SNX10: variants seen among roughly 807,000 people sequenced by gnomAD.
SNX10 encodes sorting nexin 10.
In SNX10, 25 loss-of-function variants were observed where a neutral mutation model predicts 28.5. The ratio of observed to expected loss-of-function variants is 0.88; its 90% CI spans 0.64 to 1.22. The LOEUF is 1.22. SNX10 is among the 50% of genes most tolerant of loss of function. SNX10 has a pLI of 0.00. For missense variants in SNX10, 223 were observed against 242.6 expected (o/e 0.92, Z 0.54); for synonymous variants, 62 against 81.4 (o/e 0.76, Z 1.28).
intron 2 of SNX10, among the ~76,000 whole-genome samples, chr7:26,360,186 G>A (rs1789010256): frequency 6.6e-6 from 1 of 152,144 alleles, no homozygotes; most frequent in Admixed American, 6.5e-5. Context: ...ATTCTCATGT[G>A]GCTGGGATGC....
chr7:26,347,945 T>C (rs1329405657), intron 2 of SNX10, among the ~76,000 whole-genome samples: 1 of 128,674 alleles, frequency 7.8e-6, no homozygotes, highest in Non-Finnish European at 1.6e-5. Context: ...CAATGGATTT[T>C]TGTCTTTTTG....
At chr7:26,351,962 C>A (rs1334850692) in intron 2 of SNX10, among the ~76,000 whole-genome samples, 1 of 152,022 alleles carries the variant, frequency 6.6e-6, no homozygotes, top group South Asian at 2.1e-4. Flanking sequence ...GACCAGCAAT[C>A]TTAATGAAGT....
rs115857522 is a variant in SNX10 at position 26,333,760 on chromosome 7, T to G, written c.-23-12660T>G. 6.5e-3 allele frequency among the ~76,000 whole-genome samples: 992 copies of G among 152,280 alleles called. 11 individuals carry two copies. Among genetic ancestry groups the G allele is most frequent in the African/African-American group, 0.022 (926 of 41,566 alleles). On this transcript the variant is annotated intron_variant, in intron 1 of 6. Coordinates refer to ENST00000338523, the MANE Select transcript of SNX10 (RefSeq NM_013322.3). Reference sequence around the variant, plus strand: ...TGTTGGCAGGAGAGAGGGCAGGGCATTTTCTGCTGTTCTTCAGGAGGTTGT... The same window carrying G: ...TGTTGGCAGGAGAGAGGGCAGGGCAGTTTCTGCTGTTCTTCAGGAGGTTGT...
chr7:26,306,685 G>A (rs1353922758), intron 1 of SNX10, among the ~76,000 whole-genome samples: 1 of 152,178 alleles, frequency 6.6e-6, no homozygotes, highest in Non-Finnish European at 1.5e-5. Context: ...ACAGGCATGA[G>A]CCACCGTGCC....
chr7:26,369,466 TCTGA>T (rs1184657705), intron 5 of SNX10, among the ~76,000 whole-genome samples: 3 of 152,210 alleles, frequency 2.0e-5, no homozygotes, highest in Non-Finnish European at 4.4e-5. Flanking sequence ...GAATGAACTA[TCTGA>T]CTAAAATAAG....
chr7:26,362,696 TG>T (rs1789126953), intron 3 of SNX10, among the ~76,000 whole-genome samples: 2 of 152,368 alleles, frequency 1.3e-5, no homozygotes, highest in South Asian at 4.1e-4. Context: ...TTCTCTTAGT[TG>T]TTAACCCATA....
intron 1 of SNX10, among the ~76,000 whole-genome samples, chr7:26,301,327 T>G (rs34272723): frequency 0.28 from 43,290 of 152,092 alleles, 7,218 homozygotes; most frequent in South Asian, 0.44. Context: ...TGTCCTTGAT[T>G]TTTTCTTTTC....
At position 26,373,610 on chromosome 7, in the gene SNX10, G is replaced by A. The variant is rs1011972232; in HGVS notation, c.*1038G>A. ...ATGTCTTTTTTTTTAGTGTCCCAAA[G>A]ATATCTTAGATAAACTATTTTGAAG... is the stretch of plus-strand genomic sequence containing the variant. On this transcript the variant is annotated 3_prime_UTR_variant, in exon 7 of 7. Transcript: ENST00000338523. This position sits in a 1 kb window ranked among gnomAD's most constrained non-coding sequence, Gnocchi z 4.2. 1.3e-4 allele frequency: 20 copies of A among 151,942 alleles called. No individual in the cohort carries two copies. Among genetic ancestry groups the A allele is most frequent in the African/African-American group, 4.8e-4 (20 of 41,474 alleles). The allele number at this position is 151,942 out of a possible 1,614,324, so 9.4% of individuals were successfully genotyped here. A position where few individuals can be genotyped will look rare whatever the true frequency, so the allele number is the denominator to read the frequency against.
chr7:26,340,456 G>A (rs187479050), intron 1 of SNX10, among the ~76,000 whole-genome samples: 197 of 152,346 alleles, frequency 1.3e-3, no homozygotes, highest in Admixed American at 4.8e-3. Flanking sequence ...AGATTGCCAA[G>A]TGGTACTTTA....
intron 1 of SNX10, among the ~76,000 whole-genome samples, chr7:26,303,349 C>T (rs374149054): frequency 1.3e-5 from 2 of 152,308 alleles, no homozygotes; most frequent in African/African-American, 4.8e-5. Context: ...ACTCCTCTCC[C>T]AAGGCCCAAG....
intron 1 of SNX10, among the ~76,000 whole-genome samples, chr7:26,321,075 G>A (rs1313451882): frequency 1.3e-5 from 2 of 152,198 alleles, no homozygotes; most frequent in Non-Finnish European, 2.9e-5. Flanking sequence ...CAAAGGTTAT[G>A]TGAACTCTGG....
intron 1 of SNX10, among the ~76,000 whole-genome samples, chr7:26,310,607 G>A (rs1315492733): frequency 6.6e-6 from 1 of 152,046 alleles, no homozygotes; most frequent in African/African-American, 2.4e-5. Flanking sequence ...GTGAGTTGGG[G>A]GTGGGGAGGT....
intron 3 of SNX10, among the ~76,000 whole-genome samples, chr7:26,362,420 A>G (rs955075663): frequency 6.6e-6 from 1 of 152,246 alleles, no homozygotes; most frequent in African/African-American, 2.4e-5. Flanking sequence ...TGCTCTATAA[A>G]TAGCCTGATG....
At chr7:26,292,150 T>C (rs2127991027) in intron 1 of SNX10, 64 bp downstream of exon 1, 1 of 152,536 alleles carries the variant, frequency 6.6e-6, no homozygotes, top group East Asian at 1.9e-4. Flanking sequence ...ACGGCGGCCC[T>C]TCTTTCCAGA....
At chr7:26,306,405 G>C (rs1047839055) in intron 1 of SNX10, among the ~76,000 whole-genome samples, 2 of 142,314 alleles carry the variant, frequency 1.4e-5, no homozygotes, top group African/African-American at 5.1e-5. Flanking sequence ...AAAGATGCTT[G>C]AAGAGAATTT....
chr7:26,306,200 G>A (rs569110048), intron 1 of SNX10, among the ~76,000 whole-genome samples: 1 of 151,850 alleles, frequency 6.6e-6, no homozygotes, highest in East Asian at 1.9e-4. Flanking sequence ...CACTGCACCT[G>A]GCCACATTTC....
At chr7:26,302,731 C>T (rs1229090903) in intron 1 of SNX10, among the ~76,000 whole-genome samples, 1 of 152,162 alleles carries the variant, frequency 6.6e-6, no homozygotes, top group Non-Finnish European at 1.5e-5. Flanking sequence ...GGAGTTCTGA[C>T]CCCAGTTTTG....
intron 1 of SNX10, among the ~76,000 whole-genome samples, chr7:26,307,568 C>G (rs571814503): frequency 2.6e-4 from 39 of 152,318 alleles, no homozygotes; most frequent in Non-Finnish European, 2.9e-4. Context: ...CAACCTCAGC[C>G]TCCTGAGTAG....
chr7:26,297,897 A>T (rs1303036570), intron 1 of SNX10, among the ~76,000 whole-genome samples: 1 of 152,170 alleles, frequency 6.6e-6, no homozygotes, highest in Non-Finnish European at 1.5e-5. Flanking sequence ...TTTTTTAAAA[A>T]GTAAGGAAGA....
Sources: gnomAD v4.1 joint callset for allele counts (sites outside exome capture counted in the v4.1 genomes callset) on GRCh38, gnomAD v4.1.1 for gene constraint, Gnocchi (gnomAD v3.1) non-coding constraint, MANE v1.5 for transcripts, NCBI Gene and HGNC (gene_info 2026-07-23, HGNC 2026-07-21) for gene names.